Variants in SLC22A3 observed in about 807,000 individuals in gnomAD.
SLC22A3 encodes the protein solute carrier family 22 member 3, also known as EMT organic cation transporter 3.
SLC22A3 carries 51 observed loss-of-function variants against 59.1 expected under a neutral mutation model. That is an observed-to-expected ratio of 0.86 (90% CI 0.69 to 1.09). The LOEUF (loss-of-function observed/expected upper bound fraction) is 1.09. Among genes scored for constraint, SLC22A3 ranks in the 50% least tolerant of loss-of-function variants. SLC22A3 has a pLI of 0.00. For synonymous variants in SLC22A3, 325 were observed against 292.0 expected (o/e 1.11, Z -1.15); for missense variants, 711 against 726.3 (o/e 0.98, Z 0.24).
At chr6:160,362,631 A>G (rs77876370) in intron 1 of SLC22A3, among the ~76,000 whole-genome samples, 4,152 of 152,242 alleles carry the variant, frequency 0.027, 69 homozygotes, top group Non-Finnish European at 0.042. Flanking sequence ...GGACTGAGGG[A>G]CACCGCGGGA....
chr6:160,388,195 A>G (rs1786099546), intron 1 of SLC22A3, among the ~76,000 whole-genome samples: 1 of 152,232 alleles, frequency 6.6e-6, no homozygotes, highest in South Asian at 2.1e-4. Context: ...TTATATAGCA[A>G]TAGAAAACAG....
chr6:160,395,828 C>T (rs1341786184), intron 1 of SLC22A3, among the ~76,000 whole-genome samples: 1 of 152,162 alleles, frequency 6.6e-6, no homozygotes, highest in East Asian at 1.9e-4. Context: ...AAAACCAAGG[C>T]AAGAAGTTGG....
chr6:160,386,736 A>C (rs1210485789), intron 1 of SLC22A3, among the ~76,000 whole-genome samples: 1 of 152,230 alleles, frequency 6.6e-6, no homozygotes, highest in South Asian at 2.1e-4. Context: ...CTCTCCAAGA[A>C]GGGCAGAGGT....
chr6:160,416,095 ACT>A (rs147962094), intron 5 of SLC22A3, among the ~76,000 whole-genome samples: 1 of 152,180 alleles, frequency 6.6e-6, no homozygotes, highest in Non-Finnish European at 1.5e-5. Context: ...GGGTAGGCAA[ACT>A]CTGTCTCTGC....
At chr6:160,367,712 T>C (rs1785254523) in intron 1 of SLC22A3, among the ~76,000 whole-genome samples, 1 of 152,206 alleles carries the variant, frequency 6.6e-6, no homozygotes, top group Non-Finnish European at 1.5e-5. Flanking sequence ...TGTGAGGTAG[T>C]ACAGAGTGGT....
chr6:160,391,180 G>A (rs2114817331), intron 1 of SLC22A3, among the ~76,000 whole-genome samples: 1 of 152,262 alleles, frequency 6.6e-6, no homozygotes, highest in Admixed American at 6.5e-5. Context: ...GACATAAAAT[G>A]TAGGGTGTTG....
At chr6:160,450,889 A>G in intron 10 of SLC22A3, 107 bp from the exon 11 acceptor site, 1 of 1,082,736 alleles carries the variant, frequency 9.2e-7, no homozygotes. Flanking sequence ...TTGGGTTTTC[A>G]TGAATGTATT....
Position 160,436,925 on chromosome 6 carries a change from T to C in SLC22A3, c.1073+48T>C, listed in dbSNP as rs1349365337. 3.7e-6 allele frequency: 6 copies of C among 1,609,752 alleles called. No individual in the cohort carries two copies. The South Asian group carries it at 5.5e-5, about 15-fold the overall frequency. ...TTAAAAGCTTGCGTTAAATTTACAA[T>C]ACATCCCTTCCTTCAAATCAGCTTG... is the stretch of plus-strand genomic sequence containing the variant. On this transcript the variant is annotated intron_variant, in intron 6 of 10. Transcript: ENST00000275300.
intron 5 of SLC22A3, among the ~76,000 whole-genome samples, chr6:160,419,725 T>C (rs1319540904): frequency 2.6e-5 from 4 of 152,192 alleles, no homozygotes; most frequent in Non-Finnish European, 5.9e-5. Context: ...AAAGCCTTCA[T>C]CTTTAAAATG....
intron 1 of SLC22A3, among the ~76,000 whole-genome samples, chr6:160,395,720 T>A (rs1786444364): frequency 6.6e-6 from 1 of 152,228 alleles, no homozygotes; most frequent in South Asian, 2.1e-4. Context: ...TCTTTACTTC[T>A]TACATCTTGA....
chr6:160,448,526 T>A (rs1444765633), intron 10 of SLC22A3, among the ~76,000 whole-genome samples: 2 of 152,048 alleles, frequency 1.3e-5, no homozygotes, highest in Non-Finnish European at 2.9e-5. Flanking sequence ...GATAGATAAA[T>A]AGATAATAGA....
chr6:160,435,250 T>G (rs774391755), intron 5 of SLC22A3, among the ~76,000 whole-genome samples: 6 of 152,236 alleles, frequency 3.9e-5, no homozygotes, highest in Non-Finnish European at 7.3e-5. Context: ...GCGATTGTCA[T>G]GGAAACTATT....
chr6:160,355,716 A>G (rs576256225), intron 1 of SLC22A3, among the ~76,000 whole-genome samples: 137 of 152,126 alleles, frequency 9.0e-4, no homozygotes, highest in Non-Finnish European at 1.3e-3. Context: ...AGCTTGCAGT[A>G]AGCTGAGATC....
At chr6:160,429,036 G>A (rs542403678) in intron 5 of SLC22A3, among the ~76,000 whole-genome samples, 1 of 152,172 alleles carries the variant, frequency 6.6e-6, no homozygotes, top group Non-Finnish European at 1.5e-5. Context: ...TGGGATGGAA[G>A]GACATGAGCA....
At chr6:160,401,354 C>T (rs1037538338) in intron 2 of SLC22A3, among the ~76,000 whole-genome samples, 3 of 151,864 alleles carry the variant, frequency 2.0e-5, no homozygotes, top group Non-Finnish European at 2.9e-5. Flanking sequence ...ATAAAAATTA[C>T]ACCCTACTTC....
At chr6:160,412,884 AG>A (rs1787313850) in intron 5 of SLC22A3, among the ~76,000 whole-genome samples, 1 of 152,172 alleles carries the variant, frequency 6.6e-6, no homozygotes, top group Non-Finnish European at 1.5e-5. Context: ...AGAATATAGA[AG>A]AAACAAATAT....
At chr6:160,436,305 A>G (rs1162318091) in intron 5 of SLC22A3, among the ~76,000 whole-genome samples, 1 of 152,178 alleles carries the variant, frequency 6.6e-6, no homozygotes, top group African/African-American at 2.4e-5. Flanking sequence ...GATGAGCTGA[A>G]TTTTTCTGGA....
At chr6:160,423,044 A>G (rs1317385124) in intron 5 of SLC22A3, among the ~76,000 whole-genome samples, 4 of 151,646 alleles carry the variant, frequency 2.6e-5, no homozygotes, top group Non-Finnish European at 5.9e-5. Flanking sequence ...AAGTGTTCTC[A>G]TTGTTCAATT....
chr6:160,349,520 G>A (rs541091), intron 1 of SLC22A3, among the ~76,000 whole-genome samples: 75,925 of 151,648 alleles, frequency 0.5, 19,292 homozygotes, highest in African/African-American at 0.59. Context: ...CATAGCGGGA[G>A]GGCCACAGCC....
Sources: gnomAD v4.1 joint callset for allele counts (sites outside exome capture counted in the v4.1 genomes callset) on GRCh38, gnomAD v4.1.1 for gene constraint, MANE v1.5 for transcripts, NCBI Gene and HGNC (gene_info 2026-07-23, HGNC 2026-07-21) for gene names.